The following PLD1 variants were observed in gnomAD, a reference collection of about 807,000 sequenced individuals.
PLD1 encodes the protein phospholipase D1.
In PLD1, 112 loss-of-function variants were observed where a neutral mutation model predicts 137.1. The ratio of observed to expected loss-of-function variants is 0.82; its 90% CI spans 0.70 to 0.96. The LOEUF (loss-of-function observed/expected upper bound fraction) is 0.96. PLD1 is among the 40% of genes least tolerant of loss of function. The probability of loss-of-function intolerance (pLI) is 0.00; values close to 1 mark genes in which losing one functional copy is unlikely to be tolerated. For missense variants in PLD1, 1,321 were observed against 1,342.0 expected (o/e 0.98, Z 0.24); for synonymous variants, 431 against 454.7 (o/e 0.95, Z 0.66).
At chr3:171,744,347 CA>C (rs1287694100) in intron 1 of PLD1, among the ~76,000 whole-genome samples, 1 of 152,170 alleles carries the variant, frequency 6.6e-6, no homozygotes, top group Non-Finnish European at 1.5e-5. Context: ...GATTCCAAGA[CA>C]TGGAATCACC....
At chr3:171,759,439 A>C (rs1721249017) in intron 1 of PLD1, among the ~76,000 whole-genome samples, 2 of 152,244 alleles carry the variant, frequency 1.3e-5, no homozygotes, top group Non-Finnish European at 2.9e-5. Context: ...TTGAAAGAGA[A>C]ATTCTATGGA....
rs369988293 is a variant in PLD1, at chr3:171,659,289, T to C, written c.2353A>G (p.Ile785Val). The change falls in exon 21 of 27, where the codon ATA (isoleucine) becomes GTA (valine). Residue 785 changes from isoleucine to valine, a missense_variant. By Grantham distance (29) the Ile-to-Val change is conservative (BLOSUM62 3). Transcript: ENST00000351298. ...HYIYIENQFF[I>V]SCADDKVVFN... is the part of the protein sequence containing the mutation. ...ACAACTTTGTCATCAGCACAGCTTA[T>C]GAAAAACTGGTTCTATGAGAAATAA... The C allele has an allele frequency of 5.5e-5, 89 of 1,609,398 alleles. No homozygotes were observed. Among genetic ancestry groups the C allele is most frequent in the Non-Finnish European group, 7.1e-5 (83 of 1,175,758 alleles).
At chr3:171,750,496 A>T (rs1470765123) in intron 1 of PLD1, among the ~76,000 whole-genome samples, 2 of 152,198 alleles carry the variant, frequency 1.3e-5, no homozygotes, top group Non-Finnish European at 2.9e-5. Context: ...AAATAATGAT[A>T]AAAAATTCAT....
At chr3:171,746,493 C>G (rs1193965761) in intron 1 of PLD1, among the ~76,000 whole-genome samples, 1 of 152,174 alleles carries the variant, frequency 6.6e-6, no homozygotes, top group Non-Finnish European at 1.5e-5. Context: ...ACTTTTATGT[C>G]CAGCTGGAGG....
At chr3:171,625,406 G>A (rs1035794260) in intron 23 of PLD1, among the ~76,000 whole-genome samples, 1 of 152,226 alleles carries the variant, frequency 6.6e-6, no homozygotes, top group East Asian at 1.9e-4. Flanking sequence ...TGCCTCTGTA[G>A]GCCCCACCTC....
intron 18 of PLD1, among the ~76,000 whole-genome samples, chr3:171,675,091 T>C (rs1713215527): frequency 6.6e-6 from 1 of 152,108 alleles, no homozygotes; most frequent in Non-Finnish European, 1.5e-5. Flanking sequence ...CTACAGATTA[T>C]TTGTGTTTGT....
chr3:171,602,985 T>A lies in PLD1; in HGVS notation c.*93A>T. 1.1e-6 allele frequency: 1 copy of A among 891,232 alleles called. No individual in the cohort carries two copies. Among genetic ancestry groups the A allele is most frequent in the South Asian group, 1.5e-5 (1 of 68,532 alleles). 55.2% of individuals were successfully genotyped at this position (891,232 alleles called of 1,614,324 possible). ...TCCTTGGGTTGGATACGAGAATGCG[T>A]CAGGCCTGGCTTTGGCTATGACATC... On this transcript the variant is annotated 3_prime_UTR_variant, in exon 27 of 27. Transcript: ENST00000351298.
rs760997760 is a variant in PLD1 at position 171,708,857 on chromosome 3, G to A, written c.1062-19C>T. The A allele has an allele frequency of 7.2e-7, 1 of 1,386,534 alleles. No individual in the cohort carries two copies. The highest frequency in any genetic ancestry group is 1.8e-5 in the Admixed American group (1 of 55,462). The allele number at this position is 1,386,534 out of a possible 1,614,324, so 85.9% of individuals were successfully genotyped here. ...AACATACCTGAAAGACAAGTTTATTGTTCCTTTTTGTTATTAAAAAAGAAA... is the reference window on the plus strand; with the variant it reads ...AACATACCTGAAAGACAAGTTTATTATTCCTTTTTGTTATTAAAAAAGAAA... On this transcript the variant is annotated intron_variant, in intron 10 of 26. Coordinates refer to ENST00000351298, the MANE Select transcript of PLD1 (RefSeq NM_002662.5).
At chr3:171,705,800 T>C (rs1446073828) in intron 11 of PLD1, among the ~76,000 whole-genome samples, 1 of 152,190 alleles carries the variant, frequency 6.6e-6, no homozygotes, top group Admixed American at 6.5e-5. Context: ...GCTCTTAGTA[T>C]TGATAAAATG....
chr3:171,711,532 C>T (rs1484877282), intron 9 of PLD1, among the ~76,000 whole-genome samples: 2 of 151,906 alleles, frequency 1.3e-5, no homozygotes, highest in Admixed American at 6.6e-5. Flanking sequence ...AAAAAGGATA[C>T]TCATGTACAT....
chr3:171,684,170 G>T (rs541193255), intron 16 of PLD1, among the ~76,000 whole-genome samples: 1 of 152,130 alleles, frequency 6.6e-6, no homozygotes, highest in African/African-American at 2.4e-5. Context: ...TGGGGTAGGC[G>T]TGAGTTACTT....
At chr3:171,662,651 C>T (rs962332236) in intron 19 of PLD1, among the ~76,000 whole-genome samples, 1 of 152,154 alleles carries the variant, frequency 6.6e-6, no homozygotes. Flanking sequence ...TATGGTATGG[C>T]CATCCTAGCT....
chr3:171,701,788 T>C (rs1465405246), intron 11 of PLD1, among the ~76,000 whole-genome samples: 4 of 152,226 alleles, frequency 2.6e-5, no homozygotes, highest in Non-Finnish European at 4.4e-5. Context: ...TACATTTCAT[T>C]GGATCTAGGA....
At chr3:171,722,749 C>T (rs1718224438) in intron 8 of PLD1, among the ~76,000 whole-genome samples, 1 of 152,108 alleles carries the variant, frequency 6.6e-6, no homozygotes, top group African/African-American at 2.4e-5. Flanking sequence ...TGGTTTTTAG[C>T]ATATTGACAG....
chr3:171,809,835 C>G (rs1284029213), intron 1 of PLD1: 1 of 152,536 alleles, frequency 6.6e-6, no homozygotes, highest in Non-Finnish European at 1.5e-5. Flanking sequence ...CCCCGGCCCC[C>G]TCGCCCCACC....
chr3:171,706,387 T>C (rs1716698988), intron 11 of PLD1, among the ~76,000 whole-genome samples: 2 of 152,170 alleles, frequency 1.3e-5, no homozygotes, highest in Admixed American at 6.5e-5. Flanking sequence ...GAATGTTGCA[T>C]TTAAAACCAA....
intron 10 of PLD1, among the ~76,000 whole-genome samples, chr3:171,709,357 C>A (rs1280994149): frequency 6.6e-6 from 1 of 152,168 alleles, no homozygotes; most frequent in East Asian, 1.9e-4. Context: ...GCTAGCTAAG[C>A]TCACTGTGAA....
At chr3:171,635,965 C>CTTTTTTTTTTTTTTTTTT (rs71178231) in intron 23 of PLD1, among the ~76,000 whole-genome samples, 15 of 49,286 alleles carry the variant, frequency 3.0e-4, no homozygotes, top group African/African-American at 4.0e-4. Context: ...GGTTCAACTT[C>CTTTTTTTTTTTTTTTTTT]TTTTTTTTTT....
At chr3:171,607,609 T>C (rs1007646488) in intron 25 of PLD1, among the ~76,000 whole-genome samples, 2 of 152,158 alleles carry the variant, frequency 1.3e-5, no homozygotes, top group African/African-American at 4.8e-5. Flanking sequence ...ACTAGTTTAA[T>C]TTTATGTTGA....
Sources: gnomAD v4.1 joint callset for allele counts (sites outside exome capture counted in the v4.1 genomes callset) on GRCh38, gnomAD v4.1.1 for gene constraint, MANE v1.5 for transcripts, NCBI Gene and HGNC (gene_info 2026-07-23, HGNC 2026-07-21) for gene names.